The following GULP1 variants were observed in gnomAD, a reference collection of about 807,000 sequenced individuals.
The protein encoded by GULP1 is PTB domain-containing engulfment adapter protein 1.
A neutral mutation model predicts 40.9 loss-of-function variants in GULP1; 19 were observed. The observed-to-expected ratio is 0.46, with a 90% CI of 0.32 to 0.68. GULP1 has a LOEUF of 0.68. GULP1 is among the 30% of genes least tolerant of loss of function. The pLI is 0.03. For missense variants in GULP1, 312 were observed against 362.2 expected (o/e 0.86, Z 1.12); for synonymous variants, 119 against 117.6 (o/e 1.01, Z -0.08).
intron 9 of GULP1, among the ~76,000 whole-genome samples, chr2:188,571,176 CTT>C (rs1698959105): frequency 6.6e-6 from 1 of 152,036 alleles, no homozygotes; most frequent in African/African-American, 2.4e-5. Flanking sequence ...TAATATCTAA[CTT>C]ATAACATAAA....
intron 4 of GULP1, 128 bp from the exon 5 acceptor site, chr2:188,522,628 A>G (rs1685137522): frequency 3.3e-6 from 1 of 304,074 alleles, no homozygotes; most frequent in Non-Finnish European, 6.2e-6. Flanking sequence ...TAAAATAATA[A>G]TTCTATTTAA....
chr2:188,446,965 A>C (rs2058442626), intron 2 of GULP1, among the ~76,000 whole-genome samples: 1 of 152,176 alleles, frequency 6.6e-6, no homozygotes, highest in Non-Finnish European at 1.5e-5. Context: ...AGCCCTCAGG[A>C]GACCCTGAGA....
At chr2:188,327,579 C>T (rs893401016) in intron 1 of GULP1, among the ~76,000 whole-genome samples, 2 of 152,060 alleles carry the variant, frequency 1.3e-5, no homozygotes, top group Non-Finnish European at 2.9e-5. Context: ...GTCCAAGACC[C>T]TGCATCTTAT....
intron 2 of GULP1, among the ~76,000 whole-genome samples, chr2:188,464,134 C>G (rs1391245511): frequency 6.6e-6 from 1 of 152,094 alleles, no homozygotes; most frequent in African/African-American, 2.4e-5. Flanking sequence ...ACAATCTGAG[C>G]TTGTTTGTAT....
At chr2:188,311,003 G>A (rs1171299184) in intron 1 of GULP1, among the ~76,000 whole-genome samples, 1 of 152,164 alleles carries the variant, frequency 6.6e-6, no homozygotes, top group African/African-American at 2.4e-5. Flanking sequence ...GCTGGCCAGG[G>A]CTTTGTGTTC....
At chr2:188,372,801 T>C (rs2047770556) in intron 1 of GULP1, among the ~76,000 whole-genome samples, 2 of 152,140 alleles carry the variant, frequency 1.3e-5, no homozygotes, top group East Asian at 1.9e-4. Flanking sequence ...CTTGGAAGAC[T>C]GAGCTCAAAT....
chr2:188,488,416 A>G (rs1219498604), intron 4 of GULP1, among the ~76,000 whole-genome samples: 2 of 152,036 alleles, frequency 1.3e-5, no homozygotes, highest in Non-Finnish European at 2.9e-5. Flanking sequence ...AGGAGATTTA[A>G]GTGAGTTAAT....
At chr2:188,528,980 G>A in intron 5 of GULP1, 117 bp from the exon 6 acceptor site, 1 of 576,870 alleles carries the variant, frequency 1.7e-6, no homozygotes, top group South Asian at 2.5e-5. Context: ...TTTATACTTG[G>A]CAAAAATTCA....
chr2:188,570,234 CATGGATAGAG>C, intron 9 of GULP1, 114 bp downstream of exon 9: 1 of 610,028 alleles, frequency 1.6e-6, no homozygotes, highest in Non-Finnish European at 2.9e-6. Flanking sequence ...TCAAAGTAAA[CATGGATAGAG>C]ATGAAGGCTG....
At chr2:188,303,921 A>C (rs1023730400) in intron 1 of GULP1, among the ~76,000 whole-genome samples, 4 of 152,164 alleles carry the variant, frequency 2.6e-5, no homozygotes, top group African/African-American at 9.7e-5. Context: ...CAATTCTCAG[A>C]GGATTACTGT....
At chr2:188,357,754 A>C (rs575536729) in intron 1 of GULP1, among the ~76,000 whole-genome samples, 2 of 152,202 alleles carry the variant, frequency 1.3e-5, no homozygotes, top group Non-Finnish European at 2.9e-5. Context: ...TCTCATGTTT[A>C]TTGTAGTGCT....
intron 1 of GULP1, among the ~76,000 whole-genome samples, chr2:188,300,976 T>C (rs1216278051): frequency 2.0e-5 from 3 of 152,136 alleles, no homozygotes; most frequent in Admixed American, 6.6e-5. Context: ...CTGACACTTA[T>C]TTGCTTCCTT....
chr2:188,573,132 A>G (rs1038741028), intron 9 of GULP1, among the ~76,000 whole-genome samples: 10 of 152,214 alleles, frequency 6.6e-5, no homozygotes, highest in African/African-American at 2.4e-4. Context: ...ATGTAAATTA[A>G]TGAGATATCT....
chr2:188,512,499 C>A (rs574237747), intron 4 of GULP1, among the ~76,000 whole-genome samples: 1 of 152,094 alleles, frequency 6.6e-6, no homozygotes, highest in East Asian at 1.9e-4. Context: ...TAAATACTGT[C>A]AAATTTCATA....
chr2:188,366,776 G>A (rs760579998), intron 1 of GULP1, among the ~76,000 whole-genome samples: 1 of 151,872 alleles, frequency 6.6e-6, no homozygotes, highest in Non-Finnish European at 1.5e-5. Context: ...TGTATTTTTA[G>A]TAGAGATGGG....
intron 2 of GULP1, among the ~76,000 whole-genome samples, chr2:188,412,935 T>A (rs1016096821): frequency 4.6e-5 from 7 of 152,116 alleles, no homozygotes; most frequent in African/African-American, 1.7e-4. Context: ...AAAAATAACT[T>A]ACCAAATTTT....
chr2:188,384,869 C>T (rs779256523), intron 2 of GULP1, among the ~76,000 whole-genome samples: 16 of 152,184 alleles, frequency 1.1e-4, no homozygotes, highest in African/African-American at 2.7e-4. Flanking sequence ...ATCCAGATCA[C>T]GCTGATGTAA....
chr2:188,357,228 G>A (rs942227183), intron 1 of GULP1, among the ~76,000 whole-genome samples: 3 of 152,098 alleles, frequency 2.0e-5, no homozygotes, highest in African/African-American at 7.2e-5. Flanking sequence ...AAAGTAAAAG[G>A]CTTATGTACA....
rs575945572 is a variant in GULP1, at chr2:188,382,291, T to C, written c.-171-1472T>C. Among the ~76,000 whole-genome samples, 48 of 152,250 alleles carry C rather than the reference T, an allele frequency of 3.2e-4. No homozygotes were observed. In the South Asian group the frequency reaches 3.5e-3, roughly 11 times the overall value. Reference sequence around the variant, plus strand: ...ACTAATGAGGATTGGTGTATAAATATGCTAGCTCTCATTCTTACAGTGAGA... The same window carrying C: ...ACTAATGAGGATTGGTGTATAAATACGCTAGCTCTCATTCTTACAGTGAGA... On this transcript the variant is annotated intron_variant, in intron 1 of 11. Transcript: ENST00000409830.
Sources: gnomAD v4.1 joint callset for allele counts (sites outside exome capture counted in the v4.1 genomes callset) on GRCh38, gnomAD v4.1.1 for gene constraint, MANE v1.5 for transcripts, NCBI Gene and HGNC (gene_info 2026-07-23, HGNC 2026-07-21) for gene names.